Variants in GRM8 observed in about 807,000 individuals in gnomAD.
GRM8 encodes glutamate metabotropic receptor 8.
Under a neutral mutation model 87.2 loss-of-function variants are expected in GRM8, and 47 were observed. The ratio of observed to expected loss-of-function variants is 0.54; its 90% CI spans 0.43 to 0.69. The LOEUF (loss-of-function observed/expected upper bound fraction) is 0.69, where lower values mean the gene tolerates loss of function less well. Ranked by LOEUF, GRM8 falls within the 30% of genes least tolerant of loss-of-function variation. GRM8 has a pLI of 0.00. For missense variants in GRM8, 1,019 were observed against 1,139.2 expected (o/e 0.89, Z 1.52); for synonymous variants, 396 against 404.5 (o/e 0.98, Z 0.25).
intron 6 of GRM8, among the ~76,000 whole-genome samples, chr7:126,797,981 G>A (rs1822160274): frequency 6.6e-6 from 1 of 152,086 alleles, no homozygotes; most frequent in African/African-American, 2.4e-5. Context: ...CTTATTTGGG[G>A]ATAAGTTTAC....
At chr7:127,011,673 G>C (rs187203564) in intron 3 of GRM8, among the ~76,000 whole-genome samples, 2 of 152,234 alleles carry the variant, frequency 1.3e-5, no homozygotes, top group East Asian at 3.9e-4. Context: ...ATTCACTGAA[G>C]ACAGATTTCC....
In GRM8 at chr7:127,011,078, T is replaced by TA. The variant is rs1814847508; in HGVS notation, c.727+95417dup. Among the ~76,000 whole-genome samples, 3 of 152,164 alleles carry TA rather than the reference T, an allele frequency of 2.0e-5. No individual in the cohort carries two copies. The South Asian group carries it at 6.2e-4, about 31-fold the overall frequency. ...ATTTTCTCACATATTATCTCTTTTTTAAAATCCATGTATTACTCAGTCTGT... is the reference window on the plus strand; with the variant it reads ...ATTTTCTCACATATTATCTCTTTTTTAAAAATCCATGTATTACTCAGTCTGT... On this transcript the variant is annotated intron_variant, in intron 3 of 10. Transcript: ENST00000339582.
At chr7:126,838,829 C>A (rs892953943) in intron 6 of GRM8, among the ~76,000 whole-genome samples, 2 of 152,082 alleles carry the variant, frequency 1.3e-5, no homozygotes, top group Non-Finnish European at 1.5e-5. Flanking sequence ...GACCACAAAA[C>A]CTAAAAGATT....
intron 8 of GRM8, among the ~76,000 whole-genome samples, chr7:126,582,857 T>G (rs558519912): frequency 5.6e-4 from 85 of 152,274 alleles, no homozygotes; most frequent in Non-Finnish European, 1.0e-3. Context: ...ACTGAATATT[T>G]TAAACATATC....
At chr7:126,709,460 G>A (rs1810880562) in intron 7 of GRM8, among the ~76,000 whole-genome samples, 1 of 151,672 alleles carries the variant, frequency 6.6e-6, no homozygotes, top group Non-Finnish European at 1.5e-5. Flanking sequence ...GGAAGAAGAG[G>A]ACGAAAAAGA....
chr7:127,077,221 A>C (rs1470123618), intron 3 of GRM8, among the ~76,000 whole-genome samples: 4 of 152,190 alleles, frequency 2.6e-5, no homozygotes, highest in South Asian at 2.1e-4. Flanking sequence ...GAGCCCAGGT[A>C]TTCACTCTAG....
At chr7:126,782,286 T>C (rs1820162024) in intron 6 of GRM8, among the ~76,000 whole-genome samples, 1 of 152,102 alleles carries the variant, frequency 6.6e-6, no homozygotes, top group South Asian at 2.1e-4. Context: ...TCCACAAAGG[T>C]GAAACTGAGA....
rs530540117 is a variant in GRM8 at position 126,840,004 on chromosome 7, C to A, written c.1156+62538G>T. ...AACTAAGTCTGATAAATGAAAACAT[C>A]TGTATGGGTGAAATTTTTTTAATGC... On this transcript the variant is annotated intron_variant, in intron 6 of 10. Transcript: ENST00000339582. Among the ~76,000 whole-genome samples, 11 of 152,284 alleles carry A rather than the reference C, an allele frequency of 7.2e-5. No homozygotes were observed. The South Asian group carries it at 2.3e-3, about 32-fold the overall frequency.
chr7:126,837,601 G>A (rs144702789), intron 6 of GRM8, among the ~76,000 whole-genome samples: 132 of 152,316 alleles, frequency 8.7e-4, no homozygotes, highest in African/African-American at 3.0e-3. Context: ...AAGGTGAGGA[G>A]ATCTATGTCT....
chr7:127,061,131 T>G lies in GRM8; in HGVS notation c.727+45365A>C, dbSNP rs1820560476. Among the ~76,000 whole-genome samples the G allele has an allele frequency of 2.6e-5, 4 of 152,324 alleles. No homozygotes were observed. The South Asian group carries it at 6.2e-4, about 24-fold the overall frequency. ...TTCTACTTCTTTAGGACTCCTAAGA[T>G]TCACATGAACTGAAGCAAAATATCC... On this transcript the variant is annotated intron_variant, in intron 3 of 10. Transcript: ENST00000339582.
intron 3 of GRM8, among the ~76,000 whole-genome samples, chr7:127,083,036 TGATGG>T (rs1348807641): frequency 6.6e-6 from 1 of 152,200 alleles, no homozygotes; most frequent in Non-Finnish European, 1.5e-5. Context: ...GTCCTTCACC[TGATGG>T]GATAAGAATC....
intron 3 of GRM8, among the ~76,000 whole-genome samples, chr7:127,008,923 C>A (rs1259208340): frequency 6.6e-6 from 1 of 152,078 alleles, no homozygotes; most frequent in Non-Finnish European, 1.5e-5. Flanking sequence ...TTATAAAATT[C>A]TCATTAAGAA....
At chr7:126,596,567 T>C (rs769017914) in intron 8 of GRM8, among the ~76,000 whole-genome samples, 5 of 152,192 alleles carry the variant, frequency 3.3e-5, no homozygotes, top group Admixed American at 3.3e-4. Context: ...TTGTCAGGCA[T>C]TGGGGAGTGA....
At chr7:126,958,078 C>T (rs1157366685) in intron 3 of GRM8, among the ~76,000 whole-genome samples, 1 of 152,148 alleles carries the variant, frequency 6.6e-6, no homozygotes. Flanking sequence ...CAGGGGTCTC[C>T]TCAACTTGTT....
At chr7:126,647,301 A>G (rs760919247) in intron 7 of GRM8, among the ~76,000 whole-genome samples, 8 of 47,300 alleles carry the variant, frequency 1.7e-4, no homozygotes, top group African/African-American at 7.5e-4. Context: ...ATGGATAGAT[A>G]GATAGATAGA....
chr7:126,659,508 A>G (rs939752131), intron 7 of GRM8, among the ~76,000 whole-genome samples: 8 of 152,184 alleles, frequency 5.3e-5, no homozygotes, highest in Admixed American at 5.2e-4. Context: ...AGAGAGAGAG[A>G]AATATTCAAC....
intron 6 of GRM8, among the ~76,000 whole-genome samples, chr7:126,791,537 AAGG>A (rs1323662561): frequency 6.6e-6 from 1 of 152,190 alleles, no homozygotes; most frequent in Non-Finnish European, 1.5e-5. Flanking sequence ...CAGAGTAGAG[AAGG>A]AGGCATTCTC....
At chr7:126,648,800 C>T (rs1048641301) in intron 7 of GRM8, among the ~76,000 whole-genome samples, 1 of 150,660 alleles carries the variant, frequency 6.6e-6, no homozygotes, top group Non-Finnish European at 1.5e-5. Context: ...CTGAACGACA[C>T]TGATATTAAG....
chr7:127,088,663 T>A (rs6961743), intron 3 of GRM8, among the ~76,000 whole-genome samples: 1 of 152,132 alleles, frequency 6.6e-6, no homozygotes. Flanking sequence ...GTCAATGGAC[T>A]GACACCATAC....
Sources: gnomAD v4.1 joint callset for allele counts (sites outside exome capture counted in the v4.1 genomes callset) on GRCh38, gnomAD v4.1.1 for gene constraint, MANE v1.5 for transcripts, NCBI Gene and HGNC (gene_info 2026-07-23, HGNC 2026-07-21) for gene names.